Variants in MRTFB observed in about 807,000 individuals in gnomAD.
MRTFB encodes myocardin-related transcription factor B.
A neutral mutation model predicts 104.2 loss-of-function variants in MRTFB; 29 were observed. That is an observed-to-expected ratio of 0.28 (90% CI 0.21 to 0.38). The LOEUF (loss-of-function observed/expected upper bound fraction) is 0.38. Ranked by LOEUF, MRTFB falls within the 10% of genes least tolerant of loss-of-function variation. The pLI, the probability that MRTFB is intolerant of heterozygous loss-of-function variation, is 1.00. For synonymous variants in MRTFB, 535 were observed against 519.5 expected, an observed-to-expected ratio of 1.03 and a Z score of -0.41; for missense variants, 1,270 against 1,341.6, an observed-to-expected ratio of 0.95 and a Z score of 0.83.
chr16:14,118,492 T>C (rs76262592), intron 2 of MRTFB, among the ~76,000 whole-genome samples: 1 of 151,714 alleles, frequency 6.6e-6, no homozygotes, highest in African/African-American at 2.4e-5. Context: ...TGTGTGTTTG[T>C]ATCTCCCATG....
intron 9 of MRTFB, among the ~76,000 whole-genome samples, chr16:14,239,082 G>C: frequency 6.6e-6 from 1 of 152,142 alleles, no homozygotes; most frequent in East Asian, 1.9e-4. Context: ...CCAGCACCCC[G>C]CTGGCTATGT....
the MRTFB span, among the ~76,000 whole-genome samples, chr16:14,003,553 C>A: frequency 6.6e-6 from 1 of 152,180 alleles, no homozygotes; most frequent in African/African-American, 2.4e-5. Context: ...GCAGAGCATG[C>A]ACGTAGGTCC....
rs1219161185 is a variant in MRTFB at position 14,247,252 on chromosome 16, C to T, written c.1992C>T (p.Pro664=). The change falls in exon 12 of 17, where the codon CCC becomes CCT. Residue 664 remains proline (P), a synonymous_variant. Transcript: ENST00000571589. The part of the protein sequence containing the change: ...IPVASHAVGQ[P]VSTGGQTLVA... ...TAGCCAGCCACGCTGTAGGCCAGCC[C>T]GTCTCTACAGGTGGCCAGACCCTTG... 4.3e-6 allele frequency: 7 copies of T among 1,614,200 alleles called. No individual in the cohort carries two copies. The highest frequency in any genetic ancestry group is 5.1e-6 in the Non-Finnish European group (6 of 1,180,048).
rs748168893 is a variant in MRTFB, at chr16:14,234,273, C to G, written c.821C>G (p.Ala274Gly). ...GTGTCCTCAGCAAAGCCTGGCCCAGCACTGGTGAAGGTGGGTACTTTGGAT... is the reference window on the plus strand; with the variant it reads ...GTGTCCTCAGCAAAGCCTGGCCCAGGACTGGTGAAGGTGGGTACTTTGGAT... ...NTVSSAKPGP[A>G]LVKQSHPKNP... Residue 274 changes from alanine (A) to glycine (G), a missense_variant, in exon 9 of 17, where the codon GCA becomes GGA. Coordinates refer to ENST00000571589, the MANE Select transcript of MRTFB (RefSeq NM_001308142.2). 6.2e-7 allele frequency: 1 copy of G among 1,614,082 alleles called. No individual in the cohort carries two copies. Among genetic ancestry groups the G allele is most frequent in the Non-Finnish European group, 8.5e-7 (1 of 1,179,988 alleles).
At chr16:14,017,665 A>T in the MRTFB span, among the ~76,000 whole-genome samples, 12 of 16,916 alleles carry the variant, frequency 7.1e-4, 1 homozygote, top group South Asian at 3.9e-3. Flanking sequence ...GTGTGTGTGT[A>T]TTTGTGTGTG....
chr16:14,000,974 T>C, the MRTFB span, among the ~76,000 whole-genome samples: 6 of 152,380 alleles, frequency 3.9e-5, no homozygotes, highest in Middle Eastern at 3.4e-3. Flanking sequence ...GCCAGGCCCT[T>C]GGCCTGTGCC....
chr16:14,028,272 C>T, the MRTFB span, among the ~76,000 whole-genome samples: 1 of 151,720 alleles, frequency 6.6e-6, no homozygotes, highest in Non-Finnish European at 1.5e-5. Flanking sequence ...CAATGTTTGC[C>T]CTAGTCTGAC....
chr16:14,251,895 C>A lies in MRTFB; in HGVS notation c.2437C>A (p.Leu813Ile). The change falls in exon 14 of 17, where the codon CTT (leucine) becomes ATT (isoleucine). Residue 813 changes from leucine (L) to isoleucine (I), a missense_variant. Transcript: ENST00000571589. ...FTNSASSNTVLPYQRHPAPAV... is the reference protein window; with the variant it reads ...FTNSASSNTVIPYQRHPAPAV... ...AAACTCAGCATCATCAAATACAGTT[C>A]TTCCATATCAGAGACATCCTGCCCC... 2 of 1,614,208 alleles carry A rather than the reference C, an allele frequency of 1.2e-6. No homozygotes were observed. Among genetic ancestry groups the A allele is most frequent in the Non-Finnish European group, 8.5e-7 (1 of 1,180,030 alleles).
chr16:14,154,004 C>T (rs1295024674), intron 3 of MRTFB, among the ~76,000 whole-genome samples: 1 of 152,146 alleles, frequency 6.6e-6, no homozygotes, highest in Non-Finnish European at 1.5e-5. Context: ...TTTTCTCATG[C>T]TTTTACCTTT....
intron 2 of MRTFB, among the ~76,000 whole-genome samples, chr16:14,096,082 T>TTATG (rs2035350709): frequency 6.6e-6 from 1 of 151,640 alleles, no homozygotes; most frequent in Middle Eastern, 3.2e-3. Flanking sequence ...ATTTATTTAT[T>TTATG]TATTTATTTA....
intron 2 of MRTFB, among the ~76,000 whole-genome samples, chr16:14,095,770 C>G (rs571701679): frequency 6.6e-6 from 1 of 151,812 alleles, no homozygotes; most frequent in Non-Finnish European, 1.5e-5. Flanking sequence ...ATCTGAAAAA[C>G]AAAAAAGAGA....
the MRTFB span, among the ~76,000 whole-genome samples, chr16:14,051,767 G>A: frequency 1.3e-5 from 2 of 152,260 alleles, no homozygotes; most frequent in South Asian, 2.1e-4. Context: ...AGTGTTCAAC[G>A]CACACTTATG....
chr16:14,027,937 G>A, the MRTFB span, among the ~76,000 whole-genome samples: 1 of 152,200 alleles, frequency 6.6e-6, no homozygotes, highest in Admixed American at 6.5e-5. Flanking sequence ...AGCACCTTGG[G>A]AGGCTAAGAC....
chr16:14,215,965 A>G (rs563259831), intron 6 of MRTFB, among the ~76,000 whole-genome samples: 2 of 152,388 alleles, frequency 1.3e-5, no homozygotes, highest in Admixed American at 6.5e-5. Context: ...ACCTTTATCA[A>G]ATCTTTCCAA....
At chr16:14,132,767 C>G (rs2142451862) in intron 2 of MRTFB, among the ~76,000 whole-genome samples, 1 of 152,300 alleles carries the variant, frequency 6.6e-6, no homozygotes, top group Admixed American at 6.5e-5. Context: ...TCTTGACCAG[C>G]TTTCTGGATT....
chr16:14,207,526 T>G (rs2041003935), intron 3 of MRTFB, among the ~76,000 whole-genome samples: 1 of 152,238 alleles, frequency 6.6e-6, no homozygotes, highest in Non-Finnish European at 1.5e-5. Flanking sequence ...AGCTTCTTTC[T>G]AAGATCCTTG....
intron 8 of MRTFB, among the ~76,000 whole-genome samples, chr16:14,223,469 A>G (rs549862778): frequency 6.6e-6 from 1 of 152,292 alleles, no homozygotes; most frequent in Non-Finnish European, 1.5e-5. Flanking sequence ...GAAAACATGG[A>G]CAACAAACTA....
chr16:14,050,751 G>A, the MRTFB span, among the ~76,000 whole-genome samples: 1 of 152,098 alleles, frequency 6.6e-6, no homozygotes, highest in East Asian at 1.9e-4. Flanking sequence ...TTCAGACTCG[G>A]TTTTCTCAGC....
intron 1 of MRTFB, among the ~76,000 whole-genome samples, chr16:14,073,772 C>T (rs2033876391): frequency 6.6e-6 from 1 of 152,164 alleles, no homozygotes; most frequent in Non-Finnish European, 1.5e-5. Flanking sequence ...GCTTCTTCTG[C>T]TTACTAATAT....
Sources: allele counts gnomAD v4.1 joint callset (sites outside exome capture counted in the v4.1 genomes callset), GRCh38; gene constraint gnomAD v4.1.1; transcripts MANE v1.5; gene names NCBI Gene and HGNC (gene_info 2026-07-23, HGNC 2026-07-21).